UBA5: variants seen among roughly 807,000 people sequenced by gnomAD.
The protein encoded by UBA5 is ubiquitin like modifier activating enzyme 5, also known as ubiquitin-like modifier-activating enzyme 5.
A neutral mutation model predicts 52.9 loss-of-function variants in UBA5; 28 were observed. The ratio of observed to expected loss-of-function variants is 0.53; its 90% confidence interval spans 0.39 to 0.73. The LOEUF is 0.73. UBA5 is among the 30% of genes least tolerant of loss of function. The pLI is 0.00. For missense variants in UBA5, 388 were observed against 492.7 expected, an observed-to-expected ratio of 0.79 and a Z score of 2.01; for synonymous variants, 135 against 162.1, an observed-to-expected ratio of 0.83 and a Z score of 1.27.
At chr3:132,668,048 G>A (rs1938447822) in intron 3 of UBA5, 1 of 151,964 alleles carries the variant, frequency 6.6e-6, no homozygotes, top group Non-Finnish European at 1.5e-5. Context: ...ATTGTTTAGT[G>A]TGCTGAGAAT....
Position 132,660,783 on chromosome 3 carries a change from G to T in UBA5, c.161+85G>T. The T allele has an allele frequency of 1.4e-6, 2 of 1,449,142 alleles. No individual in the cohort carries two copies. Among genetic ancestry groups the T allele is most frequent in the Non-Finnish European group, 1.8e-6 (2 of 1,096,960 alleles). 89.8% of individuals were successfully genotyped at this position (1,449,142 alleles called of 1,614,324 possible). ...AGAAGTGAGGCGCTTCCCACGTCCC[G>T]CTCATGGGGACGCCCGCCACCCTTT... On this transcript the variant is annotated intron_variant, in intron 1 of 11. Coordinates refer to ENST00000356232, the MANE Select transcript of UBA5 (RefSeq NM_024818.6). This position sits in a 1 kb window ranked among gnomAD's most constrained non-coding sequence, Gnocchi z 4.1.
chr3:132,670,113 C>T (rs893086534), intron 4 of UBA5, 85 bp from the exon 5 acceptor site: 36 of 691,552 alleles, frequency 5.2e-5, no homozygotes, highest in Middle Eastern at 5.2e-4. Context: ...TAGCCTTGAA[C>T]TCCTGGACTC....
At chr3:132,663,472 T>C (rs188440650) in intron 1 of UBA5, among the ~76,000 whole-genome samples, 3 of 152,276 alleles carry the variant, frequency 2.0e-5, no homozygotes, top group African/African-American at 7.2e-5. Flanking sequence ...ACTAAATGCT[T>C]ACATACTGAG....
At chr3:132,675,136 G>C (rs1268873859) in intron 8 of UBA5, 112 bp from the exon 9 acceptor site, 5 of 799,720 alleles carry the variant, frequency 6.3e-6, no homozygotes, top group African/African-American at 5.2e-5. Flanking sequence ...CTGTTTTCTG[G>C]TTAAAAAAAA....
chr3:132,668,866 C>T lies in UBA5; in HGVS notation c.346C>T (p.Leu116Phe). The change falls in exon 4 of 12, where the codon CTT (leucine) becomes TTT (phenylalanine). Residue 116 changes from leucine to phenylalanine, a missense_variant. Physicochemically the swap from Leu to Phe is conservative, Grantham distance 22. Transcript: ENST00000356232. The stretch of plus-strand genomic sequence containing the variant: ...GGTGGAACTAGCCAATATGAATAGA[C>T]TTTTCTTCCAACCTCATCAAGCAGG... ...DKVELANMNR[L>F]FFQPHQAGLS... 6.2e-7 allele frequency: 1 copy of T among 1,611,730 alleles called. No homozygotes were observed. Among genetic ancestry groups the T allele is most frequent in the Non-Finnish European group, 8.5e-7 (1 of 1,179,358 alleles).
At chr3:132,662,163 G>A (rs557702808) in intron 1 of UBA5, among the ~76,000 whole-genome samples, 1 of 152,284 alleles carries the variant, frequency 6.6e-6, no homozygotes, top group African/African-American at 2.4e-5. Flanking sequence ...TAAATATGTA[G>A]TATTTTCTAT....
In UBA5 at chr3:132,675,800, T is replaced by C. The variant is rs762382872; in HGVS notation, c.1025-17T>C. On this transcript the variant is annotated splice_polypyrimidine_tract_variant and intron_variant, in intron 10 of 11. Transcript: ENST00000356232. ...TTATTAAATTCCTTAAAAACTGACA[T>C]AGGATCAAATTTACAGGTATTGAGC... The C allele has an allele frequency of 6.3e-7, 1 of 1,587,072 alleles. No homozygotes were observed. The highest frequency in any genetic ancestry group is 1.1e-5 in the South Asian group (1 of 87,934).
intron 1 of UBA5, among the ~76,000 whole-genome samples, chr3:132,665,024 G>A (rs894581017): frequency 1.3e-5 from 2 of 151,984 alleles, no homozygotes; most frequent in Non-Finnish European, 1.5e-5. Flanking sequence ...TATATTGCAT[G>A]GCCCAGTTGT....
upstream of UBA5, among the ~76,000 whole-genome samples, chr3:132,655,412 T>G (rs1243016222): frequency 1.3e-5 from 2 of 152,220 alleles, no homozygotes; most frequent in Non-Finnish European, 2.9e-5. Flanking sequence ...AGCCAAAGTC[T>G]CTTTATTGCC....
At chr3:132,675,428 G>A (rs4494928) in intron 9 of UBA5, 45 bp downstream of exon 9, 1 of 1,592,944 alleles carries the variant, frequency 6.3e-7, no homozygotes. Context: ...ATATTGAATA[G>A]GACAATACAT....
chr3:132,658,779 T>A (rs1576633535), upstream of UBA5, among the ~76,000 whole-genome samples: 1 of 152,196 alleles, frequency 6.6e-6, no homozygotes, highest in East Asian at 1.9e-4. Context: ...AGTGATAAAA[T>A]ACCACTAGCA....
chr3:132,675,912 A>C lies in UBA5; in HGVS notation c.1120A>C (p.Ile374Leu). Residue 374 changes from isoleucine (I) to leucine (L), a missense_variant, in exon 11 of 12, where the codon ATT (isoleucine) becomes CTT (leucine). Transcript: ENST00000356232. ...TGAAGGAATTACAGTGGCATACACA[A>C]TTCCAAAAAAGGTACTTCAAAAATA... Reference protein sequence around the residue: ...LPEGITVAYTIPKKQEDSVTE... With the variant: ...LPEGITVAYTLPKKQEDSVTE... The C allele has an allele frequency of 1.3e-6, 2 of 1,591,616 alleles. No homozygotes were observed. Among genetic ancestry groups the C allele is most frequent in the South Asian group, 1.2e-5 (1 of 86,326 alleles).
At chr3:132,669,718 G>GA (rs1378070130) in intron 4 of UBA5, among the ~76,000 whole-genome samples, 1 of 152,190 alleles carries the variant, frequency 6.6e-6, no homozygotes, top group African/African-American at 2.4e-5. Flanking sequence ...CCTGCTTTAG[G>GA]AATTTCCTTT....
At chr3:132,675,521 T>A in intron 9 of UBA5, 84 bp from the exon 10 acceptor site, 1 of 1,511,422 alleles carries the variant, frequency 6.6e-7, no homozygotes, top group Non-Finnish European at 9.0e-7. Context: ...TTTGGTAAGA[T>A]AAAAAGCCTG....
At chr3:132,655,061 G>A (rs971549580) in intron 1 of UBA5, among the ~76,000 whole-genome samples, 3 of 152,168 alleles carry the variant, frequency 2.0e-5, no homozygotes, top group African/African-American at 7.2e-5. Flanking sequence ...AAAAGGTACA[G>A]TAAAAACACA....
upstream of UBA5, chr3:132,659,870 C>A: frequency 8.0e-7 from 1 of 1,254,356 alleles, no homozygotes. Context: ...GGTCTGGCTC[C>A]AGCCAACCGC....
intron 5 of UBA5, 82 bp from the exon 6 acceptor site, chr3:132,670,883 G>C (rs1938570951): frequency 1.1e-6 from 1 of 876,268 alleles, no homozygotes. Context: ...GAAAGAATAA[G>C]TGTTGGACTG....
Position 132,671,753 on chromosome 3 carries a change from A to T in UBA5, c.580-24A>T, listed in dbSNP as rs760787432. The T allele has an allele frequency of 5.8e-6, 9 of 1,551,234 alleles. No individual in the cohort carries two copies. In the Admixed American group the frequency reaches 6.0e-5, roughly 10 times the overall value. Reference sequence around the variant, plus strand: ...TCTTGCTCTTTTATTTTTTTTCCTTATGTTTTCACCCATTTCTACTAAGGC... The same window carrying T: ...TCTTGCTCTTTTATTTTTTTTCCTTTTGTTTTCACCCATTTCTACTAAGGC... On this transcript the variant is annotated intron_variant, in intron 6 of 11. Transcript: ENST00000356232.
At position 132,676,401 on chromosome 3, in the gene UBA5, A is replaced by T. The variant is rs1274739515; in HGVS notation, c.1132-42A>T. On this transcript the variant is annotated intron_variant, in intron 11 of 11. Transcript: ENST00000356232. The surrounding 1 kb of genome is among the most constrained non-coding windows in gnomAD (Gnocchi z 4.1). ...TATATTCCTAAGCATCAAGAATTCT[A>T]TATGGTTCTTTTTTCACTGTATTTC... is the stretch of plus-strand genomic sequence containing the variant. 5.4e-6 allele frequency: 8 copies of T among 1,493,790 alleles called. No individual in the cohort carries two copies. Among genetic ancestry groups the T allele is most frequent in the Non-Finnish European group, 7.4e-6 (8 of 1,079,122 alleles). The allele number at this position is 1,493,790 out of a possible 1,614,324, so 92.5% of individuals were successfully genotyped here.
Sources: allele counts gnomAD v4.1 joint callset (sites outside exome capture counted in the v4.1 genomes callset), GRCh38; gene constraint gnomAD v4.1.1; non-coding constraint Gnocchi (gnomAD v3.1); transcripts MANE v1.5; gene names NCBI Gene and HGNC (gene_info 2026-07-23, HGNC 2026-07-21).